CLNK: variants seen among roughly 807,000 people sequenced by gnomAD.
CLNK encodes the protein cytokine-dependent hematopoietic cell linker.
Under a neutral mutation model 68.6 loss-of-function variants are expected in CLNK, and 74 were observed. The ratio of observed to expected loss-of-function variants is 1.08; its 90% CI spans 0.89 to 1.31. The LOEUF (loss-of-function observed/expected upper bound fraction) is 1.31, where lower values mean the gene tolerates loss of function less well. CLNK is among the 50% of genes most tolerant of loss of function. CLNK has a pLI of 0.00. For synonymous variants in CLNK, 198 were observed against 172.2 expected, an observed-to-expected ratio of 1.15 and a Z score of -1.17; for missense variants, 553 against 515.3, an observed-to-expected ratio of 1.07 and a Z score of -0.71.
intron 4 of CLNK, among the ~76,000 whole-genome samples, chr4:10,584,209 G>A (rs61795143): frequency 0.041 from 6,199 of 152,310 alleles, 189 homozygotes; most frequent in Middle Eastern, 0.099. Flanking sequence ...GGTGGGACAT[G>A]CTGAGTGCTG....
At chr4:10,647,146 A>G (rs1723544089) in intron 2 of CLNK, among the ~76,000 whole-genome samples, 2 of 152,164 alleles carry the variant, frequency 1.3e-5, no homozygotes, top group Admixed American at 6.5e-5. Flanking sequence ...TCCAGTCTCT[A>G]TGTGATACAG....
the CLNK span, among the ~76,000 whole-genome samples, chr4:10,694,652 T>C: frequency 6.6e-6 from 1 of 152,182 alleles, no homozygotes; most frequent in South Asian, 2.1e-4. Context: ...TCTACAATGT[T>C]TGCACAACTA....
chr4:10,512,262 G>C (rs1181425406), intron 16 of CLNK, among the ~76,000 whole-genome samples: 1 of 150,490 alleles, frequency 6.6e-6, no homozygotes, highest in Non-Finnish European at 1.5e-5. Context: ...ATGAAGTCTA[G>C]CTCTGTTGCC....
intron 8 of CLNK, among the ~76,000 whole-genome samples, chr4:10,544,840 G>T (rs371357760): frequency 1.3e-5 from 2 of 152,068 alleles, no homozygotes; most frequent in South Asian, 2.1e-4. Flanking sequence ...GTACTAAGAC[G>T]GTGCAGGACA....
the CLNK span, among the ~76,000 whole-genome samples, chr4:10,694,930 G>C: frequency 7.9e-5 from 12 of 152,256 alleles, no homozygotes; most frequent in East Asian, 2.3e-3. Context: ...TTTATCTGTT[G>C]ATGGGCAGTC....
intron 12 of CLNK, chr4:10,531,539 C>G (rs527639964): frequency 6.9e-6 from 2 of 290,374 alleles, no homozygotes; most frequent in Admixed American, 4.4e-5. Context: ...TGGGTTCAAG[C>G]GATTCTCCTT....
chr4:10,730,962 G>A, the CLNK span, among the ~76,000 whole-genome samples: 1 of 152,188 alleles, frequency 6.6e-6, no homozygotes, highest in Non-Finnish European at 1.5e-5. Context: ...AGGAAGGAAA[G>A]CTACAGATTT....
chr4:10,665,479 C>T lies in CLNK; in HGVS notation c.11+2380G>A, dbSNP rs149802456. 6.2e-3 allele frequency among the ~76,000 whole-genome samples: 940 copies of T among 152,140 alleles called. 19 individuals carry two copies. Among genetic ancestry groups the T allele is most frequent in the African/African-American group, 0.021 (888 of 41,496 alleles). On this transcript the variant is annotated intron_variant, in intron 2 of 18. Transcript: ENST00000226951. Reference sequence around the variant, plus strand: ...AGGAGACCGAGACCATCCTGGCTAACATGGTGAAACCCTGTCTCTACTAAA... The same window carrying T: ...AGGAGACCGAGACCATCCTGGCTAATATGGTGAAACCCTGTCTCTACTAAA...
rs992535111 is a variant in CLNK at position 10,487,083 on chromosome 4, T to C, written c.*3384A>G. On this transcript the variant is annotated 3_prime_UTR_variant, in exon 19 of 19. Transcript: ENST00000226951. ...TATCTGGAAAGCATAAATGCTGTAA[T>C]TGGATAAAGCTAAAATTCTATTACT... 6.6e-6 allele frequency: 1 copy of C among 152,206 alleles called. No individual in the cohort carries two copies. The highest frequency in any genetic ancestry group is 2.4e-5 in the African/African-American group (1 of 41,440). The allele number at this position is 152,206 out of a possible 1,614,324, so 9.4% of individuals were successfully genotyped here. A position where few individuals can be genotyped will look rare whatever the true frequency, so the allele number is the denominator to read the frequency against.
chr4:10,635,458 C>A (rs1223982799), intron 2 of CLNK, among the ~76,000 whole-genome samples: 2 of 152,142 alleles, frequency 1.3e-5, no homozygotes, highest in East Asian at 3.9e-4. Flanking sequence ...AGAGAGGAGG[C>A]CTTTTCTCTC....
chr4:10,731,737 C>G, the CLNK span, among the ~76,000 whole-genome samples: 1 of 152,318 alleles, frequency 6.6e-6, no homozygotes, highest in East Asian at 1.9e-4. Flanking sequence ...GAATTCTGCT[C>G]TCATGGAGGG....
At chr4:10,615,345 G>T (rs372555014) in intron 2 of CLNK, among the ~76,000 whole-genome samples, 1 of 152,152 alleles carries the variant, frequency 6.6e-6, no homozygotes, top group Non-Finnish European at 1.5e-5. Flanking sequence ...GCCAGGCATG[G>T]TGGCACATGC....
intron 2 of CLNK, among the ~76,000 whole-genome samples, chr4:10,665,617 T>C (rs1724365830): frequency 7.3e-6 from 1 of 136,564 alleles, no homozygotes; most frequent in South Asian, 2.3e-4. Context: ...TGAGCTGAGA[T>C]CATGCCACTG....
chr4:10,608,593 G>T (rs955981713), intron 2 of CLNK, among the ~76,000 whole-genome samples: 2 of 152,120 alleles, frequency 1.3e-5, no homozygotes, highest in Non-Finnish European at 2.9e-5. Context: ...TTCCTAAAAG[G>T]CTCTGTGTCT....
chr4:10,695,261 A>G, the CLNK span, among the ~76,000 whole-genome samples: 2 of 152,236 alleles, frequency 1.3e-5, no homozygotes, highest in African/African-American at 4.8e-5. Context: ...TCCACAATGT[A>G]TACATGTGCC....
At chr4:10,690,889 G>A in the CLNK span, among the ~76,000 whole-genome samples, 3 of 146,890 alleles carry the variant, frequency 2.0e-5, no homozygotes, top group South Asian at 6.4e-4. Context: ...TAGAGGCAGA[G>A]GCTACTGTAC....
At chr4:10,502,284 C>G (rs78581552) in intron 17 of CLNK, among the ~76,000 whole-genome samples, 1 of 152,180 alleles carries the variant, frequency 6.6e-6, no homozygotes, top group Non-Finnish European at 1.5e-5. Flanking sequence ...AAGCTTGGAC[C>G]TTCTCACATG....
At chr4:10,666,720 ATTC>A (rs1215558763) in intron 2 of CLNK, among the ~76,000 whole-genome samples, 1 of 152,216 alleles carries the variant, frequency 6.6e-6, no homozygotes, top group Non-Finnish European at 1.5e-5. Flanking sequence ...GATTAGCTTA[ATTC>A]TCACTCGGGT....
chr4:10,577,344 G>C (rs1720605889), intron 4 of CLNK, among the ~76,000 whole-genome samples: 1 of 152,116 alleles, frequency 6.6e-6, no homozygotes, highest in African/African-American at 2.4e-5. Context: ...GAAAATTGAG[G>C]GGTCTGTGAG....
Sources: allele counts gnomAD v4.1 joint callset (sites outside exome capture counted in the v4.1 genomes callset), GRCh38; gene constraint gnomAD v4.1.1; transcripts MANE v1.5; gene names NCBI Gene and HGNC (gene_info 2026-07-23, HGNC 2026-07-21).